LYPD6: variants seen among roughly 807,000 people sequenced by gnomAD.
The protein encoded by LYPD6 is ly6/PLAUR domain-containing protein 6.
LYPD6 carries 15 observed loss-of-function variants against 22.7 expected under a neutral mutation model. The ratio of observed to expected loss-of-function variants is 0.66; its 90% CI spans 0.44 to 1.02. LYPD6 has a LOEUF of 1.02. Among genes scored for constraint, LYPD6 ranks in the 50% least tolerant of loss-of-function variants. LYPD6 has a pLI of 0.00. For synonymous variants in LYPD6, 72 were observed against 77.5 expected, an observed-to-expected ratio of 0.93 and a Z score of 0.37; for missense variants, 189 against 208.4, an observed-to-expected ratio of 0.91 and a Z score of 0.57.
intron 1 of LYPD6, among the ~76,000 whole-genome samples, chr2:149,376,980 C>T (rs899130793): frequency 6.6e-6 from 1 of 152,168 alleles, no homozygotes; most frequent in African/African-American, 2.4e-5. Context: ...TCTCCTTTGT[C>T]ACTGGGATCA....
At chr2:149,483,113 A>G in the LYPD6 span, among the ~76,000 whole-genome samples, 3 of 152,164 alleles carry the variant, frequency 2.0e-5, no homozygotes, top group Non-Finnish European at 4.4e-5. Context: ...GAGGGAAACC[A>G]GTTGTCTGTG....
intron 1 of LYPD6, among the ~76,000 whole-genome samples, chr2:149,339,604 C>T (rs1261112031): frequency 6.6e-6 from 1 of 152,126 alleles, no homozygotes; most frequent in South Asian, 2.1e-4. Flanking sequence ...TTCTCATGCA[C>T]AGTTACAAGT....
chr2:149,369,647 G>A (rs1004935295), intron 1 of LYPD6, among the ~76,000 whole-genome samples: 1 of 152,134 alleles, frequency 6.6e-6, no homozygotes, highest in African/African-American at 2.4e-5. Flanking sequence ...TGAAATGATA[G>A]GAAGACAGTG....
At position 149,355,965 on chromosome 2, in the gene LYPD6, G is replaced by A. The variant is rs535253804; in HGVS notation, c.-72+25243G>A. On this transcript the variant is annotated intron_variant, in intron 1 of 4. Coordinates refer to ENST00000334166, the MANE Select transcript of LYPD6 (RefSeq NM_194317.5). ...CAGTAAATTTTTATGGCGATGAACT[G>A]TGCCACCCCTCTGTTATGTTATTAA... Among the ~76,000 whole-genome samples the A allele has an allele frequency of 3.2e-4, 49 of 152,094 alleles. 1 individual carries two copies. The South Asian group carries it at 8.5e-3, about 26-fold the overall frequency.
At chr2:149,430,477 A>G (rs776165636) in intron 1 of LYPD6, among the ~76,000 whole-genome samples, 10 of 152,194 alleles carry the variant, frequency 6.6e-5, no homozygotes, top group Non-Finnish European at 1.0e-4. Flanking sequence ...TCAGCGTGAT[A>G]TATTTAAAGA....
chr2:149,418,403 T>C (rs975042972), intron 1 of LYPD6, among the ~76,000 whole-genome samples: 1 of 151,280 alleles, frequency 6.6e-6, no homozygotes, highest in Non-Finnish European at 1.5e-5. Context: ...GCTCACGCAT[T>C]ATCTAGAACA....
chr2:149,389,775 TAGTCA>T (rs1448404687), intron 1 of LYPD6, among the ~76,000 whole-genome samples: 1 of 152,146 alleles, frequency 6.6e-6, no homozygotes, highest in Admixed American at 6.5e-5. Flanking sequence ...TGTTTCTAAT[TAGTCA>T]GACACTCCCC....
chr2:149,432,594 T>A (rs1055812187), intron 1 of LYPD6, among the ~76,000 whole-genome samples: 3 of 152,212 alleles, frequency 2.0e-5, no homozygotes, highest in African/African-American at 7.2e-5. Flanking sequence ...TTCCATGGGC[T>A]ACACCAAGGT....
At chr2:149,407,142 C>T (rs150395454) in intron 1 of LYPD6, among the ~76,000 whole-genome samples, 3 of 152,152 alleles carry the variant, frequency 2.0e-5, no homozygotes, top group Admixed American at 2.0e-4. Context: ...TTAACCCGAC[C>T]GTTCTCTCTG....
At chr2:149,402,233 CGTGTGT>C (rs146124855) in intron 1 of LYPD6, among the ~76,000 whole-genome samples, 62 of 145,634 alleles carry the variant, frequency 4.3e-4, no homozygotes, top group East Asian at 1.4e-3. Context: ...TGTGTGTTTG[CGTGTGT>C]GTGTGTGTGT....
intron 1 of LYPD6, among the ~76,000 whole-genome samples, chr2:149,332,610 G>A (rs929149786): frequency 2.6e-5 from 4 of 152,190 alleles, no homozygotes; most frequent in African/African-American, 9.6e-5. Context: ...CAATAGCAGA[G>A]TTCAGTCAAG....
At chr2:149,477,328 A>G (rs527978822), downstream of LYPD6, among the ~76,000 whole-genome samples, 90 of 152,176 alleles carry the variant, frequency 5.9e-4, no homozygotes, top group African/African-American at 2.0e-3. Flanking sequence ...CATCTTGAAA[A>G]AACTGAAAGG....
chr2:149,332,424 G>A (rs184557158), intron 1 of LYPD6, among the ~76,000 whole-genome samples: 111 of 152,278 alleles, frequency 7.3e-4, no homozygotes, highest in African/African-American at 2.6e-3. Context: ...CATAAATCGG[G>A]CTGATTCTAG....
At chr2:149,453,453 A>G (rs1680880366) in intron 3 of LYPD6, among the ~76,000 whole-genome samples, 1 of 152,244 alleles carries the variant, frequency 6.6e-6, no homozygotes, top group Admixed American at 6.5e-5. Context: ...TATGAAGTAC[A>G]GATGCCTCCC....
At chr2:149,331,147 G>T (rs928896036) in intron 1 of LYPD6, among the ~76,000 whole-genome samples, 1 of 152,096 alleles carries the variant, frequency 6.6e-6, no homozygotes, top group Non-Finnish European at 1.5e-5. Flanking sequence ...GCTGCGGGGC[G>T]GGGGGCAGTG....
chr2:149,426,436 G>A (rs989074233), intron 1 of LYPD6, among the ~76,000 whole-genome samples: 1 of 152,214 alleles, frequency 6.6e-6, no homozygotes, highest in African/African-American at 2.4e-5. Context: ...ATGGTTGAAG[G>A]TGAGCCATAT....
chr2:149,461,850 C>G (rs774279251), intron 3 of LYPD6, among the ~76,000 whole-genome samples: 4 of 151,886 alleles, frequency 2.6e-5, no homozygotes, highest in Admixed American at 1.3e-4. Context: ...AATTAAACAC[C>G]ATTTATGATT....
At chr2:149,481,460 C>T in the LYPD6 span, among the ~76,000 whole-genome samples, 1 of 152,212 alleles carries the variant, frequency 6.6e-6, no homozygotes, top group Admixed American at 6.5e-5. Flanking sequence ...CATAATCCTA[C>T]TTCTGTAAAG....
chr2:149,433,345 C>G (rs1683358550), intron 1 of LYPD6, among the ~76,000 whole-genome samples: 1 of 152,184 alleles, frequency 6.6e-6, no homozygotes, highest in Admixed American at 6.5e-5. Context: ...TTCATCCACG[C>G]TGATCCACCA....
Sources: allele counts gnomAD v4.1 joint callset (sites outside exome capture counted in the v4.1 genomes callset), GRCh38; gene constraint gnomAD v4.1.1; transcripts MANE v1.5; gene names NCBI Gene and HGNC (gene_info 2026-07-23, HGNC 2026-07-21).